INPP4B: variants seen among roughly 807,000 people sequenced by gnomAD.
INPP4B encodes inositol polyphosphate-4-phosphatase type II B, also known as inositol polyphosphate 4-phosphatase type II.
A neutral mutation model predicts 122.5 loss-of-function variants in INPP4B; 55 were observed. That is an observed-to-expected ratio of 0.45 (90% CI 0.36 to 0.56). The LOEUF is 0.56. Ranked by LOEUF, INPP4B falls within the 20% of genes least tolerant of loss-of-function variation. INPP4B has a pLI of 0.00. For missense variants in INPP4B, 1,000 were observed against 1,097.7 expected (o/e 0.91, Z 1.26); for synonymous variants, 403 against 388.7 (o/e 1.04, Z -0.43).
rs575506000 is a variant in INPP4B, at chr4:142,392,348, C to T, written c.372+10590G>A. Among the ~76,000 whole-genome samples the T allele has an allele frequency of 2.0e-5, 3 of 152,172 alleles. No individual in the cohort carries two copies. The East Asian group carries it at 5.8e-4, about 29-fold the overall frequency. ...TTTTCCTTGTTTATGCCTCTATGAA[C>T]AATAGAAATGAAAAGGGGGTCTGTT... On this transcript the variant is annotated intron_variant, in intron 7 of 25. Coordinates refer to ENST00000262992, the MANE Select transcript of INPP4B (RefSeq NM_001101669.3).
intron 2 of INPP4B, among the ~76,000 whole-genome samples, chr4:142,524,695 T>G (rs929662478): frequency 6.6e-6 from 1 of 152,160 alleles, no homozygotes; most frequent in Non-Finnish European, 1.5e-5. Context: ...CAACACTTCA[T>G]GCTAAAAACT....
intron 19 of INPP4B, among the ~76,000 whole-genome samples, chr4:142,124,132 T>C (rs1797706657): frequency 6.6e-6 from 1 of 152,098 alleles, no homozygotes; most frequent in South Asian, 2.1e-4. Flanking sequence ...CCTGAAAACT[T>C]ATTTTAAAAA....
At chr4:142,691,397 G>A (rs116014330) in intron 2 of INPP4B, among the ~76,000 whole-genome samples, 1,952 of 151,470 alleles carry the variant, frequency 0.013, 50 homozygotes, top group African/African-American at 0.045. Context: ...TTCGAAAACA[G>A]ATGCCCTAGA....
intron 7 of INPP4B, among the ~76,000 whole-genome samples, chr4:142,335,440 T>C (rs1433748251): frequency 6.6e-6 from 1 of 152,214 alleles, no homozygotes; most frequent in Non-Finnish European, 1.5e-5. Flanking sequence ...TAGCCATTAA[T>C]ACCAGCATTT....
At position 142,173,847 on chromosome 4, in the gene INPP4B, C is replaced by T. The variant is rs762701139; in HGVS notation, c.1182-38G>A. On this transcript the variant is annotated intron_variant, in intron 15 of 25. Transcript: ENST00000262992. ...AGATAAAAATAAGTTACACAAACAG[C>T]ATAATGAATGTTCAGCCCTTAATAT... The T allele has an allele frequency of 1.7e-5, 26 of 1,522,196 alleles. No individual in the cohort carries two copies. The South Asian group carries it at 2.8e-4, about 17-fold the overall frequency. 94.3% of individuals were successfully genotyped at this position (1,522,196 alleles called of 1,614,324 possible). A position where few individuals can be genotyped will look rare whatever the true frequency, so the allele number is the denominator to read the frequency against.
intron 7 of INPP4B, among the ~76,000 whole-genome samples, chr4:142,364,185 G>A (rs1396791522): frequency 6.6e-6 from 1 of 152,016 alleles, no homozygotes; most frequent in Non-Finnish European, 1.5e-5. Flanking sequence ...AATGTGTAAT[G>A]CTAAGAACAG....
At chr4:142,657,908 T>C (rs1174906623) in intron 2 of INPP4B, among the ~76,000 whole-genome samples, 1 of 152,170 alleles carries the variant, frequency 6.6e-6, no homozygotes, top group Non-Finnish European at 1.5e-5. Flanking sequence ...CACCGGGCTT[T>C]TCAATTACTT....
chr4:142,648,260 A>T (rs1366305503), intron 2 of INPP4B, among the ~76,000 whole-genome samples: 1 of 152,236 alleles, frequency 6.6e-6, no homozygotes, highest in Non-Finnish European at 1.5e-5. Context: ...TCGATGCAGA[A>T]GATGGGTGAT....
At chr4:142,617,856 T>C (rs1744051736) in intron 2 of INPP4B, among the ~76,000 whole-genome samples, 1 of 152,160 alleles carries the variant, frequency 6.6e-6, no homozygotes, top group African/African-American at 2.4e-5. Context: ...GGCAATGCAA[T>C]AGAGATAACA....
intron 3 of INPP4B, among the ~76,000 whole-genome samples, chr4:142,434,462 G>T (rs774751447): frequency 6.6e-6 from 1 of 152,126 alleles, no homozygotes; most frequent in East Asian, 1.9e-4. Flanking sequence ...ACTTTCTACC[G>T]GGGGTGGAAG....
At chr4:142,241,248 T>C (rs1309771601) in intron 11 of INPP4B, among the ~76,000 whole-genome samples, 1 of 152,142 alleles carries the variant, frequency 6.6e-6, no homozygotes. Context: ...TTTACTGCTT[T>C]TGCCATACAA....
At chr4:142,692,386 TA>T (rs2150727468) in intron 2 of INPP4B, among the ~76,000 whole-genome samples, 1 of 152,310 alleles carries the variant, frequency 6.6e-6, no homozygotes, top group Non-Finnish European at 1.5e-5. Context: ...AAAGTTACCC[TA>T]AAAACTTTCT....
chr4:142,213,641 C>T (rs1845810395), intron 12 of INPP4B, among the ~76,000 whole-genome samples: 1 of 152,192 alleles, frequency 6.6e-6, no homozygotes, highest in Admixed American at 6.5e-5. Flanking sequence ...ATGTCTCTTG[C>T]TCGTATTCCT....
chr4:142,328,921 C>G (rs1773435160), intron 7 of INPP4B, among the ~76,000 whole-genome samples: 1 of 152,106 alleles, frequency 6.6e-6, no homozygotes, highest in Non-Finnish European at 1.5e-5. Context: ...CAGCTTCTTT[C>G]CAGAGTCTCT....
At chr4:142,239,511 T>A (rs192503936) in intron 11 of INPP4B, among the ~76,000 whole-genome samples, 5 of 152,322 alleles carry the variant, frequency 3.3e-5, no homozygotes, top group African/African-American at 1.2e-4. Flanking sequence ...GAGTTCATTA[T>A]CTTTACTTTC....
intron 2 of INPP4B, among the ~76,000 whole-genome samples, chr4:142,472,978 T>C (rs1233132031): frequency 6.6e-6 from 1 of 152,240 alleles, no homozygotes; most frequent in Non-Finnish European, 1.5e-5. Flanking sequence ...GTCTTGGTAC[T>C]GCTCCTAAAT....
At chr4:142,180,253 C>A (rs1830188820) in intron 15 of INPP4B, among the ~76,000 whole-genome samples, 1 of 151,968 alleles carries the variant, frequency 6.6e-6, no homozygotes, top group African/African-American at 2.4e-5. Context: ...TAATAAATTT[C>A]TTTTAGAAAA....
At chr4:142,050,531 A>G (rs981483645) in intron 25 of INPP4B, among the ~76,000 whole-genome samples, 4 of 152,010 alleles carry the variant, frequency 2.6e-5, no homozygotes, top group Non-Finnish European at 5.9e-5. Flanking sequence ...GATTCTATAT[A>G]TATTATGGGA....
intron 2 of INPP4B, among the ~76,000 whole-genome samples, chr4:142,666,816 C>G (rs1756181080): frequency 1.3e-5 from 2 of 152,110 alleles, no homozygotes; most frequent in African/African-American, 4.8e-5. Flanking sequence ...ACTAATAACC[C>G]TTAATATTCA....
Sources: gnomAD v4.1 joint callset for allele counts (sites outside exome capture counted in the v4.1 genomes callset) on GRCh38, gnomAD v4.1.1 for gene constraint, MANE v1.5 for transcripts, NCBI Gene and HGNC (gene_info 2026-07-23, HGNC 2026-07-21) for gene names.